Variants in WDR37 observed in about 807,000 individuals in gnomAD.
The protein encoded by WDR37 is WD repeat domain 37.
WDR37 carries 19 observed loss-of-function variants against 62.9 expected under a neutral mutation model. The ratio of observed to expected loss-of-function variants is 0.30; its 90% confidence interval spans 0.21 to 0.44. The LOEUF is 0.44. Among genes scored for constraint, WDR37 ranks in the 20% least tolerant of loss-of-function variants. WDR37 has a pLI of 1.00. For synonymous variants in WDR37, 250 were observed against 260.9 expected, an observed-to-expected ratio of 0.96 and a Z score of 0.40; for missense variants, 474 against 657.6, an observed-to-expected ratio of 0.72 and a Z score of 3.05.
chr10:1,085,720 G>A (rs1834178694), intron 6 of WDR37, among the ~76,000 whole-genome samples: 1 of 152,044 alleles, frequency 6.6e-6, no homozygotes, highest in South Asian at 2.1e-4. Context: ...TGAGCGCCTT[G>A]GATTGCTTTG....
intron 4 of WDR37, 23 bp downstream of exon 4, chr10:1,080,129 C>A: frequency 6.2e-7 from 1 of 1,612,018 alleles, no homozygotes; most frequent in South Asian, 1.1e-5. Flanking sequence ...CCATGAAAGT[C>A]TTGTCCTGCA....
Position 1,103,657 on chromosome 10 carries a change from G to T in WDR37, c.782G>T (p.Gly261Val). 6.2e-7 allele frequency: 1 copy of T among 1,614,216 alleles called. No homozygotes were observed. The highest frequency in any genetic ancestry group is 8.5e-7 in the Non-Finnish European group (1 of 1,180,038). ...CSDKDEPDLD[G>V]DVSSDCPTIR... ...GACAAGGACGAGCCCGACCTCGATGGGGATGTGTCCAGCGACTGCCCCACC... is the reference window on the plus strand; with the variant it reads ...GACAAGGACGAGCCCGACCTCGATGTGGATGTGTCCAGCGACTGCCCCACC... Residue 261 changes from glycine to valine, a missense_variant, in exon 10 of 14, where the codon GGG (glycine) becomes GTG (valine). Transcript: ENST00000263150. The surrounding 1 kb of genome is among the most constrained non-coding windows in gnomAD (Gnocchi z 6.3).
intron 9 of WDR37, among the ~76,000 whole-genome samples, chr10:1,101,034 G>C (rs1038050624): frequency 6.6e-6 from 1 of 152,158 alleles, no homozygotes; most frequent in Non-Finnish European, 1.5e-5. Context: ...CCTTTCCACC[G>C]TCTGAACGCC....
chr10:1,065,050 T>A (rs984014011), intron 1 of WDR37, among the ~76,000 whole-genome samples: 1 of 152,034 alleles, frequency 6.6e-6, no homozygotes, highest in African/African-American at 2.4e-5. Context: ...TCTATGAAAA[T>A]AACAAATAAA....
intron 9 of WDR37, among the ~76,000 whole-genome samples, chr10:1,099,218 G>A (rs1267103206): frequency 6.6e-6 from 1 of 152,228 alleles, no homozygotes. Flanking sequence ...TTCTCTGAGA[G>A]CAGTTATCTC....
At position 1,086,314 on chromosome 10, in the gene WDR37, G is replaced by A. The variant is rs966817777; in HGVS notation, c.561G>A (p.Glu187=). The change falls in exon 7 of 14, where the codon GAG becomes GAA. Residue 187 remains glutamate (E), a synonymous_variant. Coordinates refer to ENST00000263150, the MANE Select transcript of WDR37 (RefSeq NM_014023.4). ...ACACGGCTTTGCTGTGGAGCATAGA[G>A]ACAGGGAAGTGCCTAGTCAAGTACG... The part of the protein sequence containing the change: ...ADHTALLWSI[E]TGKCLVKYAG... The A allele has an allele frequency of 1.2e-6, 2 of 1,614,172 alleles. No individual in the cohort carries two copies. Among genetic ancestry groups the A allele is most frequent in the African/African-American group, 1.3e-5 (1 of 75,058 alleles).
At chr10:1,112,407 C>T (rs1054392434) in intron 11 of WDR37, among the ~76,000 whole-genome samples, 5 of 152,210 alleles carry the variant, frequency 3.3e-5, no homozygotes, top group African/African-American at 1.2e-4. Context: ...CTCCTAATGC[C>T]TCTGACTTCA....
chr10:1,062,308 C>T (rs1420172522), intron 1 of WDR37, among the ~76,000 whole-genome samples: 4 of 152,072 alleles, frequency 2.6e-5, no homozygotes, highest in South Asian at 2.1e-4. Context: ...ATGCAACTTA[C>T]GGAGAGGCTG....
In WDR37 at chr10:1,116,061, T is replaced by G. The variant is rs184997856; in HGVS notation, c.1104-8157T>G. Among the ~76,000 whole-genome samples the G allele has an allele frequency of 2.5e-3, 379 of 152,300 alleles. 4 individuals are homozygous for G. Among genetic ancestry groups the G allele is most frequent in the Non-Finnish European group, 3.2e-3 (219 of 68,010 alleles). On this transcript the variant is annotated intron_variant, in intron 11 of 13. Transcript: ENST00000263150. ...GTGCAGTTTTGCTACCTTGATGTAC[T>G]CCACTCAGGTGAGGCCAGGGCCTTC... is the stretch of plus-strand genomic sequence containing the variant.
At chr10:1,065,391 CAA>C (rs2131606264) in intron 1 of WDR37, among the ~76,000 whole-genome samples, 1 of 151,740 alleles carries the variant, frequency 6.6e-6, no homozygotes, top group East Asian at 1.9e-4. Flanking sequence ...AAAAGTTATA[CAA>C]AACAGGCAAA....
At chr10:1,064,623 T>A (rs1451347434) in intron 1 of WDR37, among the ~76,000 whole-genome samples, 10 of 120,064 alleles carry the variant, frequency 8.3e-5, no homozygotes, top group Admixed American at 8.3e-4. Flanking sequence ...TGAGATGGAA[T>A]CTTGCTCTGT....
At chr10:1,077,789 A>C in intron 2 of WDR37, 118 bp from the exon 3 acceptor site, 2 of 753,530 alleles carry the variant, frequency 2.7e-6, no homozygotes, top group South Asian at 4.0e-5. Context: ...ATATATAAAA[A>C]TATGTAATAA....
rs1257860328 is a variant in WDR37 at position 1,121,731 on chromosome 10, A to ACC, written c.1104-2486_1104-2485dup. ...CTACATCCACAGGCCAGGATGCTGCACCACAGGGAAGGGCCCCGACCAGAC... is the reference window on the plus strand; with the variant it reads ...CTACATCCACAGGCCAGGATGCTGCACCCCACAGGGAAGGGCCCCGACCAGAC... On this transcript the variant is annotated intron_variant, in intron 11 of 13. Transcript: ENST00000263150. The surrounding 1 kb of genome is among the most constrained non-coding windows in gnomAD (Gnocchi z 4.5). 6.6e-6 allele frequency among the ~76,000 whole-genome samples: 1 copy of ACC among 152,212 alleles called. No individual in the cohort carries two copies. The highest frequency in any genetic ancestry group is 1.5e-5 in the Non-Finnish European group (1 of 68,038).
chr10:1,069,389 A>ATATATTTTTT, intron 1 of WDR37, among the ~76,000 whole-genome samples: 9 of 95,776 alleles, frequency 9.4e-5, no homozygotes, highest in African/African-American at 4.2e-4. Context: ...ATATATATAT[A>ATATATTTTTT]TTTTTTTTTT....
intron 5 of WDR37, among the ~76,000 whole-genome samples, chr10:1,083,993 A>T (rs1834113646): frequency 6.6e-6 from 1 of 152,228 alleles, no homozygotes; most frequent in African/African-American, 2.4e-5. Context: ...AGCTAAAGTT[A>T]AGGGTTTGGG....
rs558783316 is a variant in WDR37 at position 1,126,335 on chromosome 10, G to A, written c.1353+1311G>A. 4.2e-3 allele frequency among the ~76,000 whole-genome samples: 633 copies of A among 151,462 alleles called. 2 individuals carry two copies. The highest frequency in any genetic ancestry group is 0.01 in the Middle Eastern group (3 of 294). On this transcript the variant is annotated intron_variant, in intron 13 of 13. Coordinates refer to ENST00000263150, the MANE Select transcript of WDR37 (RefSeq NM_014023.4). ...GCAGGAGAATGGCGTGAACCCAGGA[G>A]GCGGAGCTTGCAGTGAGCTGAGATC...
rs1348329260 is a variant in WDR37 at position 1,072,303 on chromosome 10, G to A, written c.138+10G>A. On this transcript the variant is annotated intron_variant, in intron 2 of 13. Coordinates refer to ENST00000263150, the MANE Select transcript of WDR37 (RefSeq NM_014023.4). ...CATGTTAGAAGGACAAGTAAGCTAC[G>A]ATTGATTAGGGCCTTATTGATTGAT... 5.6e-6 allele frequency: 9 copies of A among 1,612,988 alleles called. No homozygotes were observed. The highest frequency in any genetic ancestry group is 2.7e-5 in the African/African-American group (2 of 74,852).
chr10:1,068,977 T>G (rs1445449001), intron 1 of WDR37, among the ~76,000 whole-genome samples: 1 of 152,194 alleles, frequency 6.6e-6, no homozygotes, highest in Non-Finnish European at 1.5e-5. Flanking sequence ...TTTTATGAAA[T>G]GGCCAGAACA....
At chr10:1,074,992 G>C (rs991190915) in intron 2 of WDR37, among the ~76,000 whole-genome samples, 8 of 152,232 alleles carry the variant, frequency 5.3e-5, no homozygotes, top group Non-Finnish European at 8.8e-5. Context: ...TCGATGTGAT[G>C]GAAGAAATTC....
Sources: gnomAD v4.1 joint callset for allele counts (sites outside exome capture counted in the v4.1 genomes callset) on GRCh38, gnomAD v4.1.1 for gene constraint, Gnocchi (gnomAD v3.1) non-coding constraint, MANE v1.5 for transcripts, NCBI Gene and HGNC (gene_info 2026-07-23, HGNC 2026-07-21) for gene names.